The following SORL1 variants were observed in gnomAD, a reference collection of about 807,000 sequenced individuals.
SORL1 encodes sortilin related receptor 1.
Under a neutral mutation model 273.7 loss-of-function variants are expected in SORL1, and 127 were observed. The ratio of observed to expected loss-of-function variants is 0.46; its 90% CI spans 0.40 to 0.54. SORL1 has a LOEUF of 0.54. SORL1 is among the 20% of genes least tolerant of loss of function. The pLI is 0.00. For synonymous variants in SORL1, 1,031 were observed against 1,067.4 expected, an observed-to-expected ratio of 0.97 and a Z score of 0.66; for missense variants, 2,494 against 2,846.1, an observed-to-expected ratio of 0.88 and a Z score of 2.81.
At chr11:121,592,916 C>T (rs1321563864) in intron 31 of SORL1, among the ~76,000 whole-genome samples, 3 of 152,238 alleles carry the variant, frequency 2.0e-5, no homozygotes, top group Admixed American at 6.5e-5. Context: ...GATCAGATCT[C>T]TGTTTATATA....
intron 41 of SORL1, among the ~76,000 whole-genome samples, chr11:121,616,483 C>G (rs775833330): frequency 1.3e-5 from 2 of 152,198 alleles, no homozygotes; most frequent in African/African-American, 2.4e-5. Flanking sequence ...GGACCCCTTT[C>G]CTCTCCAGAG....
At chr11:121,466,747 A>C (rs1861087986) in intron 1 of SORL1, among the ~76,000 whole-genome samples, 2 of 152,116 alleles carry the variant, frequency 1.3e-5, no homozygotes. Context: ...CTTGGGGATC[A>C]GCTGTGACTC....
chr11:121,527,024 C>T (rs1862133189), intron 11 of SORL1, among the ~76,000 whole-genome samples: 1 of 151,798 alleles, frequency 6.6e-6, no homozygotes, highest in African/African-American at 2.4e-5. Flanking sequence ...TTCTTCTTAT[C>T]ACAATGGCTA....
intron 1 of SORL1, among the ~76,000 whole-genome samples, chr11:121,469,487 T>G (rs940734036): frequency 7.2e-5 from 11 of 152,230 alleles, no homozygotes; most frequent in Admixed American, 5.9e-4. Context: ...TCAAAAATAA[T>G]TTTGAAAAGC....
chr11:121,553,998 G>A lies in SORL1; in HGVS notation c.2328G>A (p.Ser776=), dbSNP rs751606087. 1.2e-5 allele frequency: 19 copies of A among 1,614,044 alleles called. No homozygotes were observed. Among genetic ancestry groups the A allele is most frequent in the African/African-American group, 4.0e-5 (3 of 74,910 alleles). The change falls in exon 17 of 48, where the codon TCG becomes TCA. Residue 776 remains serine, a synonymous_variant. Transcript: ENST00000260197. ...CCATCTACCGCTATGACCTGGCCTC[G>A]GGAGCCACCGAGCAGTTGCCTCTCA... The part of the protein sequence containing the change: ...RKSIYRYDLA[S]GATEQLPLTG...
intron 19 of SORL1, 64 bp from the exon 20 acceptor site, chr11:121,558,527 T>G: frequency 6.4e-7 from 1 of 1,570,228 alleles, no homozygotes; most frequent in Non-Finnish European, 8.7e-7. Flanking sequence ...TTTTCTGGAG[T>G]AGTATTTGAG....
rs536226189 is a variant in SORL1 at position 121,458,911 on chromosome 11, G to A, written c.285+6295G>A. Among the ~76,000 whole-genome samples, 251 of 152,292 alleles carry A rather than the reference G, an allele frequency of 1.6e-3. 1 individual carries two copies. Among genetic ancestry groups the A allele is most frequent in the African/African-American group, 5.7e-3 (237 of 41,548 alleles). ...GTGGGTTCCGTAAAAATAGGACTGC[G>A]TAACGATCACAAGTACACTAGTGTG... On this transcript the variant is annotated intron_variant, in intron 1 of 47. Coordinates refer to ENST00000260197, the MANE Select transcript of SORL1 (RefSeq NM_003105.6).
intron 6 of SORL1, among the ~76,000 whole-genome samples, chr11:121,506,351 G>C (rs974305886): frequency 6.6e-6 from 1 of 152,146 alleles, no homozygotes; most frequent in Non-Finnish European, 1.5e-5. Flanking sequence ...TTACAAAAAA[G>C]GTTTATAATG....
chr11:121,583,667 G>A, intron 26 of SORL1, 84 bp downstream of exon 26: 1 of 1,450,628 alleles, frequency 6.9e-7, no homozygotes, highest in Non-Finnish European at 9.2e-7. Flanking sequence ...GCCAGGGGAT[G>A]AAATGCTGTT....
At chr11:121,592,207 C>G (rs1863226355) in intron 31 of SORL1, among the ~76,000 whole-genome samples, 1 of 152,222 alleles carries the variant, frequency 6.6e-6, no homozygotes, top group Non-Finnish European at 1.5e-5. Flanking sequence ...ACCTTGTCTT[C>G]CTACTTTCCT....
At chr11:121,612,634 C>T in intron 39 of SORL1, 102 bp from the exon 40 acceptor site, 5 of 827,554 alleles carry the variant, frequency 6.0e-6, no homozygotes, top group Non-Finnish European at 9.8e-6. Context: ...ATGAGATACC[C>T]AAGGAAAGAA....
At chr11:121,611,237 C>A in intron 39 of SORL1, 79 bp downstream of exon 39, 1 of 1,011,692 alleles carries the variant, frequency 9.9e-7, no homozygotes, top group Non-Finnish European at 1.5e-6. Flanking sequence ...CACAGTAAGA[C>A]TGGAAAAAAA....
At chr11:121,565,722 C>A (rs1862745035) in intron 21 of SORL1, among the ~76,000 whole-genome samples, 1 of 152,210 alleles carries the variant, frequency 6.6e-6, no homozygotes, top group African/African-American at 2.4e-5. Context: ...TATCATGTTT[C>A]AGATTGTTAT....
intron 5 of SORL1, among the ~76,000 whole-genome samples, chr11:121,494,600 G>T (rs1861600743): frequency 6.6e-6 from 1 of 152,172 alleles, no homozygotes; most frequent in Non-Finnish European, 1.5e-5. Flanking sequence ...ATAGAAAGTA[G>T]GTGTCAGTGA....
In SORL1 at chr11:121,532,540, C is replaced by T; in HGVS notation, c.1673C>T (p.Thr558Ile). The change falls in exon 12 of 48, where the codon ACC becomes ATC. Residue 558 changes from threonine (T) to isoleucine (I), a missense_variant. Physicochemically the swap from Thr to Ile is moderately conservative, Grantham distance 89 (BLOSUM62 -1). Around this residue, in one of 3 missense-constraint regions of SORL1, gnomAD observed 710 missense variants for 882.5 expected, o/e 0.80. Transcript: ENST00000260197. ...ACGGCCATTGCCCAGGGCATGGAAA[C>T]CAACGAGCTAAAGTAAGTGTCTCTG... ...IITAIAQGME[T>I]NELKYSTNEG... The T allele has an allele frequency of 6.2e-7, 1 of 1,614,034 alleles. No homozygotes were observed. The highest frequency in any genetic ancestry group is 8.5e-7 in the Non-Finnish European group (1 of 1,179,926).
At chr11:121,585,697 A>G (rs903239960) in intron 26 of SORL1, among the ~76,000 whole-genome samples, 2 of 152,230 alleles carry the variant, frequency 1.3e-5, no homozygotes, top group Non-Finnish European at 2.9e-5. Flanking sequence ...AAACAAATTT[A>G]AGTATACTCT....
intron 41 of SORL1, among the ~76,000 whole-genome samples, chr11:121,616,803 C>T (rs1039612464): frequency 6.6e-6 from 1 of 152,220 alleles, no homozygotes; most frequent in Non-Finnish European, 1.5e-5. Flanking sequence ...TAGGAGTGAC[C>T]ATGGCCCGTG....
intron 14 of SORL1, among the ~76,000 whole-genome samples, chr11:121,549,521 C>A (rs570416617): frequency 6.6e-6 from 1 of 152,264 alleles, no homozygotes; most frequent in East Asian, 1.9e-4. Flanking sequence ...ACCACCATGC[C>A]CGGCCCCAAA....
intron 8 of SORL1, among the ~76,000 whole-genome samples, chr11:121,517,198 A>T (rs1442543091): frequency 6.6e-6 from 1 of 152,180 alleles, no homozygotes; most frequent in Non-Finnish European, 1.5e-5. Context: ...ATTTCTCCAA[A>T]AGAGAACCCC....
Sources: allele counts gnomAD v4.1 joint callset (sites outside exome capture counted in the v4.1 genomes callset), GRCh38; gene constraint gnomAD v4.1.1; regional missense constraint gnomAD v4.1.1; transcripts MANE v1.5; gene names NCBI Gene and HGNC (gene_info 2026-07-23, HGNC 2026-07-21).